The following ZNF695 variants were observed in gnomAD, a reference collection of about 807,000 sequenced individuals.
ZNF695 encodes zinc finger protein 695, also known as zinc finger protein SBZF3.
Under a neutral mutation model 11.2 loss-of-function variants are expected in ZNF695, and 11 were observed. The observed-to-expected ratio is 0.98, with a 90% CI of 0.62 to 1.62. The LOEUF is 1.62. Ranked by LOEUF, ZNF695 falls within the 40% of genes most tolerant of loss-of-function variation. ZNF695 has a pLI of 0.00. For synonymous variants in ZNF695, 190 were observed against 201.4 expected, an observed-to-expected ratio of 0.94 and a Z score of 0.48; for missense variants, 559 against 590.5, an observed-to-expected ratio of 0.95 and a Z score of 0.55.
chr1:246,998,594 G>A lies in ZNF695; in HGVS notation c.259+754C>T, dbSNP rs191584579. Among the ~76,000 whole-genome samples the A allele has an allele frequency of 2.3e-4, 35 of 152,302 alleles. 1 individual carries two copies. The highest frequency in any genetic ancestry group is 6.5e-5 in the Admixed American group (1 of 15,298). ...AGGAGAAAATATACATCCGTTTGTG[G>A]TGTTCTGGGATTTCTTAACCAAATA... On this transcript the variant is annotated intron_variant, in intron 3 of 3. Coordinates refer to ENST00000339986, the MANE Select transcript of ZNF695 (RefSeq NM_020394.5).
chr1:246,961,358 CT>C (rs1283380055), intron 5 of ZNF695, among the ~76,000 whole-genome samples: 1 of 152,180 alleles, frequency 6.6e-6, no homozygotes, highest in Non-Finnish European at 1.5e-5. Flanking sequence ...CACGTAGATA[CT>C]CGATAAAGTC....
rs1046837557 is a variant in ZNF695, at chr1:246,999,871, C to T, written c.166+41G>A. On this transcript the variant is annotated intron_variant, in intron 2 of 3. Coordinates refer to ENST00000339986, the MANE Select transcript of ZNF695 (RefSeq NM_020394.5). Reference sequence around the variant, plus strand: ...AACTCATTCATGCAAATCAGAAACTCCCAGAAAACATTCTACAAAGGAAAA... The same window carrying T: ...AACTCATTCATGCAAATCAGAAACTTCCAGAAAACATTCTACAAAGGAAAA... 8 of 1,598,930 alleles carry T rather than the reference C, an allele frequency of 5.0e-6. No homozygotes were observed. The African/African-American group carries it at 9.4e-5, about 19-fold the overall frequency.
chr1:246,959,310 A>AAAATAT (rs1558304450), intron 5 of ZNF695, among the ~76,000 whole-genome samples: 10 of 51,248 alleles, frequency 2.0e-4, no homozygotes, highest in Non-Finnish European at 2.9e-4. Context: ...AAAAAAAAAA[A>AAAATAT]ATATATATAT....
chr1:246,978,503 A>G (rs537342371), intron 4 of ZNF695, among the ~76,000 whole-genome samples: 1 of 152,348 alleles, frequency 6.6e-6, no homozygotes, highest in Non-Finnish European at 1.5e-5. Flanking sequence ...GATTTACTTG[A>G]AAGGTGATCC....
intron 5 of ZNF695, among the ~76,000 whole-genome samples, chr1:246,958,529 G>C (rs758770376): frequency 1.1e-4 from 16 of 152,144 alleles, no homozygotes; most frequent in Non-Finnish European, 2.1e-4. Context: ...TCAGGCCACA[G>C]ACAGGTCTAG....
chr1:246,967,158 G>C (rs555322225), intron 5 of ZNF695, among the ~76,000 whole-genome samples: 2 of 152,162 alleles, frequency 1.3e-5, no homozygotes, highest in South Asian at 2.1e-4. Context: ...GGCTGGTCTC[G>C]AACTCCCGAC....
chr1:246,956,672 A>G (rs1668010852), intron 5 of ZNF695, among the ~76,000 whole-genome samples: 1 of 152,168 alleles, frequency 6.6e-6, no homozygotes, highest in Non-Finnish European at 1.5e-5. Flanking sequence ...TGAATTGCCC[A>G]TTCTATGTTA....
chr1:246,956,059 G>T (rs958300999), intron 5 of ZNF695, among the ~76,000 whole-genome samples: 2 of 150,524 alleles, frequency 1.3e-5, no homozygotes, highest in African/African-American at 4.9e-5. Context: ...CATGATCTCG[G>T]CTCACTGCAA....
At chr1:246,982,571 C>T (rs950997428), downstream of ZNF695, among the ~76,000 whole-genome samples, 32 of 152,164 alleles carry the variant, frequency 2.1e-4, no homozygotes, top group African/African-American at 7.5e-4. Context: ...TATACATTCA[C>T]CACACTTTGT....
intron 4 of ZNF695, among the ~76,000 whole-genome samples, chr1:246,976,370 T>C (rs1668557634): frequency 6.6e-6 from 1 of 152,234 alleles, no homozygotes; most frequent in African/African-American, 2.4e-5. Flanking sequence ...CCTGTAGGTA[T>C]ATGTGCTCAA....
At chr1:247,000,548 C>T (rs926868678) in intron 1 of ZNF695, among the ~76,000 whole-genome samples, 6 of 152,066 alleles carry the variant, frequency 3.9e-5, no homozygotes, top group Non-Finnish European at 7.4e-5. Flanking sequence ...TATATACACA[C>T]ACTCTAATGT....
chr1:247,004,207 T>C lies in ZNF695; in HGVS notation c.3+3699A>G, dbSNP rs199723601. 3.9e-5 allele frequency among the ~76,000 whole-genome samples: 6 copies of C among 152,166 alleles called. No homozygotes were observed. The East Asian group carries it at 1.2e-3, about 29-fold the overall frequency. On this transcript the variant is annotated intron_variant, in intron 1 of 3. Coordinates refer to ENST00000339986, the MANE Select transcript of ZNF695 (RefSeq NM_020394.5). ...GCCTGGGCGAGAGAGCGAGACTCCA[T>C]CTCAAAAAGAACAACAACAAAAAAG...
chr1:246,985,297 C>G (rs1459985729), downstream of ZNF695: 3 of 984,512 alleles, frequency 3.0e-6, no homozygotes, highest in Non-Finnish European at 3.6e-6. Flanking sequence ...TGTGAATAGT[C>G]CTTCAAGATT....
chr1:246,947,190 T>C (rs1217743958), intron 5 of ZNF695, among the ~76,000 whole-genome samples: 1 of 120,756 alleles, frequency 8.3e-6, no homozygotes, highest in African/African-American at 3.1e-5. Flanking sequence ...GGTTTTTTAT[T>C]TTTTTTGGGG....
At chr1:246,946,482 T>C (rs1667738339) in intron 5 of ZNF695, among the ~76,000 whole-genome samples, 1 of 152,238 alleles carries the variant, frequency 6.6e-6, no homozygotes, top group Admixed American at 6.5e-5. Flanking sequence ...GCATTTTATG[T>C]AGCCAACAAT....
chr1:246,994,576 G>A (rs1464842075), intron 3 of ZNF695, among the ~76,000 whole-genome samples: 1 of 151,618 alleles, frequency 6.6e-6, no homozygotes, highest in South Asian at 2.1e-4. Context: ...GGTGGCTCAC[G>A]CCTGTAATCC....
intron 4 of ZNF695, among the ~76,000 whole-genome samples, chr1:246,976,781 G>A (rs1054888288): frequency 3.4e-4 from 52 of 151,606 alleles, no homozygotes; most frequent in East Asian, 3.1e-3. Context: ...GCGACAGAGC[G>A]AAACTCCGTC....
downstream of ZNF695, among the ~76,000 whole-genome samples, chr1:246,983,838 C>CAAAA (rs1433135282): frequency 1.9e-4 from 29 of 150,806 alleles, no homozygotes; most frequent in African/African-American, 6.3e-4. Context: ...AACAAACAAA[C>CAAAA]AAAAATCTAT....
chr1:246,949,547 T>C lies in ZNF695; in HGVS notation c.489-3720A>G, dbSNP rs987856613. Among the ~76,000 whole-genome samples the C allele has an allele frequency of 7.2e-4, 108 of 150,210 alleles. 1 individual carries two copies. Among genetic ancestry groups the C allele is most frequent in the Non-Finnish European group, 3.1e-4 (21 of 67,822 alleles). On this transcript the variant is annotated intron_variant, in intron 5 of 5. Coordinates refer to the ZNF695 transcript ENST00000487338. ...TGGAGGTTGCAGTGAGCCGAGATCATGCTACTGCACTCCAGCCTAGGCGAC... is the reference window on the plus strand; with the variant it reads ...TGGAGGTTGCAGTGAGCCGAGATCACGCTACTGCACTCCAGCCTAGGCGAC...
Sources: gnomAD v4.1 joint callset for allele counts (sites outside exome capture counted in the v4.1 genomes callset) on GRCh38, gnomAD v4.1.1 for gene constraint, MANE v1.5 for transcripts, NCBI Gene and HGNC (gene_info 2026-07-23, HGNC 2026-07-21) for gene names.